UNC13C: variants seen among roughly 807,000 people sequenced by gnomAD.
UNC13C encodes the protein unc-13 homolog C.
A neutral mutation model predicts 245.4 loss-of-function variants in UNC13C; 174 were observed. The ratio of observed to expected loss-of-function variants is 0.71; its 90% CI spans 0.63 to 0.80. The LOEUF (loss-of-function observed/expected upper bound fraction) is 0.80. Among genes scored for constraint, UNC13C ranks in the 30% least tolerant of loss-of-function variants. The probability of loss-of-function intolerance (pLI) is 0.00; values close to 1 mark genes in which losing one functional copy is unlikely to be tolerated. For synonymous variants in UNC13C, 992 were observed against 895.1 expected (o/e 1.11, Z -1.93); for missense variants, 2,829 against 2,602.9 (o/e 1.09, Z -1.89).
At chr15:53,895,150 G>GGTCAGGA in the UNC13C span, among the ~76,000 whole-genome samples, 4 of 151,842 alleles carry the variant, frequency 2.6e-5, no homozygotes, top group Non-Finnish European at 4.4e-5. Context: ...GATCACTTGA[G>GGTCAGGA]GTCAGGAGTT....
At chr15:53,970,259 G>T in the UNC13C span, among the ~76,000 whole-genome samples, 1 of 152,110 alleles carries the variant, frequency 6.6e-6, no homozygotes, top group Non-Finnish European at 1.5e-5. Context: ...AGTAGAGACA[G>T]GGTTTTACCA....
At chr15:54,203,105 T>C (rs1429734248) in intron 4 of UNC13C, among the ~76,000 whole-genome samples, 2 of 151,948 alleles carry the variant, frequency 1.3e-5, no homozygotes, top group African/African-American at 2.4e-5. Flanking sequence ...GTCAGAGAAA[T>C]GCAAATCAAA....
At chr15:53,961,837 C>A in the UNC13C span, among the ~76,000 whole-genome samples, 1 of 152,164 alleles carries the variant, frequency 6.6e-6, no homozygotes, top group African/African-American at 2.4e-5. Flanking sequence ...GTAAATGGCA[C>A]ATCAGCATGA....
intron 20 of UNC13C, among the ~76,000 whole-genome samples, chr15:54,496,960 C>A (rs1222636343): frequency 1.3e-5 from 2 of 151,724 alleles, no homozygotes; most frequent in African/African-American, 4.8e-5. Context: ...CCCCTCAAAA[C>A]CTATTGAAAT....
At chr15:54,196,285 G>T (rs867779175) in intron 4 of UNC13C, among the ~76,000 whole-genome samples, 1 of 151,900 alleles carries the variant, frequency 6.6e-6, no homozygotes, top group South Asian at 2.1e-4. Flanking sequence ...ACTGTTCTGG[G>T]GCAAATGCTG....
At chr15:54,077,619 C>T (rs901212257) in intron 2 of UNC13C, among the ~76,000 whole-genome samples, 1 of 151,986 alleles carries the variant, frequency 6.6e-6, no homozygotes, top group African/African-American at 2.4e-5. Flanking sequence ...GATCTGCCCA[C>T]CTAGGCCTCC....
intron 30 of UNC13C, among the ~76,000 whole-genome samples, chr15:54,613,105 A>C (rs1042676947): frequency 2.8e-4 from 43 of 152,022 alleles, no homozygotes; most frequent in African/African-American, 1.0e-3. Flanking sequence ...AGAAAGCATA[A>C]ATAGATCTAT....
At chr15:54,443,230 T>C (rs1267247397) in intron 19 of UNC13C, among the ~76,000 whole-genome samples, 5 of 152,162 alleles carry the variant, frequency 3.3e-5, no homozygotes, top group Non-Finnish European at 4.4e-5. Context: ...CTGATGATCT[T>C]TTACATTTCT....
At chr15:54,348,623 C>T (rs1370272238) in intron 17 of UNC13C, among the ~76,000 whole-genome samples, 1 of 152,104 alleles carries the variant, frequency 6.6e-6, no homozygotes, top group Non-Finnish European at 1.5e-5. Context: ...GGCAACTTAC[C>T]TGAATTTAAA....
the UNC13C span, among the ~76,000 whole-genome samples, chr15:53,863,362 G>A: frequency 6.6e-6 from 1 of 152,148 alleles, no homozygotes. Flanking sequence ...CTGCAGAAGT[G>A]ACACACATTT....
At chr15:54,562,080 A>G (rs1028072062) in intron 29 of UNC13C, among the ~76,000 whole-genome samples, 8 of 152,026 alleles carry the variant, frequency 5.3e-5, no homozygotes, top group African/African-American at 1.9e-4. Flanking sequence ...ATGCAATGGC[A>G]GGAATGTGGA....
chr15:54,383,645 A>C (rs2039775363), intron 17 of UNC13C, among the ~76,000 whole-genome samples: 1 of 152,290 alleles, frequency 6.6e-6, no homozygotes, highest in Non-Finnish European at 1.5e-5. Context: ...CTCCTATGCA[A>C]CATGGTGCTG....
intron 19 of UNC13C, among the ~76,000 whole-genome samples, chr15:54,484,438 A>G (rs74016628): frequency 0.011 from 1,694 of 152,360 alleles, 33 homozygotes; most frequent in African/African-American, 0.037. Flanking sequence ...TTTTAAAACC[A>G]TGAGCTGAAT....
chr15:54,419,286 A>T (rs1462828054), intron 19 of UNC13C, among the ~76,000 whole-genome samples: 1 of 152,182 alleles, frequency 6.6e-6, no homozygotes, highest in African/African-American at 2.4e-5. Flanking sequence ...TCTCTGGTCC[A>T]ACTTAAAAAG....
chr15:54,616,008 C>T (rs1362303436), intron 30 of UNC13C, among the ~76,000 whole-genome samples: 2 of 152,010 alleles, frequency 1.3e-5, no homozygotes, highest in Non-Finnish European at 2.9e-5. Flanking sequence ...AAAATTCTTC[C>T]ATCTAAATAT....
chr15:54,565,567 A>G (rs1012973897), intron 29 of UNC13C, among the ~76,000 whole-genome samples: 4 of 152,056 alleles, frequency 2.6e-5, no homozygotes, highest in African/African-American at 4.8e-5. Context: ...AAATGTGTCA[A>G]AATGTTATTC....
At chr15:54,523,590 A>G (rs79425630) in intron 24 of UNC13C, among the ~76,000 whole-genome samples, 1,880 of 152,328 alleles carry the variant, frequency 0.012, 43 homozygotes, top group East Asian at 0.1. Context: ...TAATTCTATA[A>G]GAAAATAGCA....
chr15:54,018,576 T>C (rs1163777593), intron 2 of UNC13C, among the ~76,000 whole-genome samples: 2 of 152,178 alleles, frequency 1.3e-5, no homozygotes, highest in East Asian at 3.9e-4. Flanking sequence ...TGAGTCAAAT[T>C]CTTCCATTGT....
chr15:54,414,144 T>A (rs1304894668), intron 18 of UNC13C, among the ~76,000 whole-genome samples: 1 of 152,194 alleles, frequency 6.6e-6, no homozygotes, highest in African/African-American at 2.4e-5. Flanking sequence ...GATTAGTGGG[T>A]GTGTCCACCA....
Sources: allele counts gnomAD v4.1 joint callset (sites outside exome capture counted in the v4.1 genomes callset), GRCh38; gene constraint gnomAD v4.1.1; transcripts MANE v1.5; gene names NCBI Gene and HGNC (gene_info 2026-07-23, HGNC 2026-07-21).